Variants in MYOM2 observed in about 807,000 individuals in gnomAD.
MYOM2 encodes the protein myomesin-2.
In MYOM2, 254 loss-of-function variants were observed where a neutral mutation model predicts 187.6. That is an observed-to-expected ratio of 1.35 (90% CI 1.22 to 1.50). The LOEUF (loss-of-function observed/expected upper bound fraction) is 1.50. Ranked by LOEUF, MYOM2 falls within the 40% of genes most tolerant of loss-of-function variation. MYOM2 has a pLI of 0.00. For synonymous variants in MYOM2, 981 were observed against 753.8 expected, an observed-to-expected ratio of 1.30 and a Z score of -4.94; for missense variants, 2,796 against 1,924.0, an observed-to-expected ratio of 1.45 and a Z score of -8.48.
Position 2,144,833 on chromosome 8 carries a change from GCATCAA to G in MYOM2, c.4257_4262del (p.Asn1419_Ile1420del). Reference sequence around the variant, plus strand: ...ACCTCCGAGGACTCGGGCAAGTACAGCATCAACATCAAGAATAAGTATGGCGGGGAG... The same window carrying G: ...ACCTCCGAGGACTCGGGCAAGTACAGCATCAAGAATAAGTATGGCGGGGAG... On this transcript the variant is annotated inframe_deletion, in exon 37 of 37. Transcript: ENST00000262113. 1.9e-6 allele frequency: 3 copies of G among 1,614,192 alleles called. No individual in the cohort carries two copies. The highest frequency in any genetic ancestry group is 2.5e-6 in the Non-Finnish European group (3 of 1,180,034).
chr8:2,097,533 G>T (rs975061794), intron 18 of MYOM2, among the ~76,000 whole-genome samples: 1 of 152,056 alleles, frequency 6.6e-6, no homozygotes, highest in Non-Finnish European at 1.5e-5. Context: ...TTTAGTTTTC[G>T]AGACAGAGTC....
intron 30 of MYOM2, 58 bp downstream of exon 30, chr8:2,123,700 G>T (rs945270134): frequency 4.1e-6 from 6 of 1,456,018 alleles, no homozygotes; most frequent in South Asian, 1.1e-5. Flanking sequence ...AACAGGATGG[G>T]ATGTATTCTG....
At chr8:2,091,573 G>C (rs946998975) in intron 15 of MYOM2, among the ~76,000 whole-genome samples, 1 of 152,178 alleles carries the variant, frequency 6.6e-6, no homozygotes, top group African/African-American at 2.4e-5. Flanking sequence ...CCCTCTCTCT[G>C]TCGTGTTTCC....
chr8:2,055,858 C>G (rs1818647132), intron 3 of MYOM2, among the ~76,000 whole-genome samples: 2 of 152,136 alleles, frequency 1.3e-5, no homozygotes, highest in African/African-American at 4.8e-5. Flanking sequence ...CCCTCCAGCT[C>G]CGATACCGGG....
At chr8:2,080,531 C>G (rs1819585317) in intron 13 of MYOM2, among the ~76,000 whole-genome samples, 1 of 152,190 alleles carries the variant, frequency 6.6e-6, no homozygotes, top group Non-Finnish European at 1.5e-5. Context: ...ACCTTTAAGC[C>G]TTAGTCAAAT....
intron 13 of MYOM2, among the ~76,000 whole-genome samples, chr8:2,082,851 A>G (rs929651546): frequency 3.9e-5 from 6 of 152,200 alleles, no homozygotes; most frequent in Non-Finnish European, 7.3e-5. Flanking sequence ...CAAACCTAAA[A>G]TAAACTCGGT....
chr8:2,058,247 G>A (rs1045012841), intron 5 of MYOM2, among the ~76,000 whole-genome samples: 2 of 152,020 alleles, frequency 1.3e-5, no homozygotes, highest in African/African-American at 2.4e-5. Context: ...TCAAACTCCT[G>A]ACCTGAAGTG....
intron 17 of MYOM2, among the ~76,000 whole-genome samples, chr8:2,095,962 A>G (rs1430006752): frequency 6.6e-6 from 1 of 152,218 alleles, no homozygotes; most frequent in Non-Finnish European, 1.5e-5. Context: ...TCAAATGTTC[A>G]TACCAGATTT....
intron 14 of MYOM2, among the ~76,000 whole-genome samples, chr8:2,087,377 CCTCTGGCCTT>C (rs1796129602): frequency 6.6e-6 from 1 of 152,080 alleles, no homozygotes; most frequent in Non-Finnish European, 1.5e-5. Flanking sequence ...GGAGGAGGAC[CCTCTGGCCTT>C]CTCTGGTTAT....
chr8:2,079,583 G>C lies in MYOM2; in HGVS notation c.1486G>C (p.Glu496Gln), dbSNP rs1819551657. Reference sequence around the variant, plus strand: ...AGCCGTTCATTTGGAGGGAGAGAAGGAGATTGCCATTTATCAGGATGACCT... The same window carrying C: ...AGCCGTTCATTTGGAGGGAGAGAAGCAGATTGCCATTTATCAGGATGACCT... ...LQAVHLEGEKEIAIYQDDLEG... is the reference protein window; with the variant it reads ...LQAVHLEGEKQIAIYQDDLEG... The change falls in exon 13 of 37, where the codon GAG becomes CAG. Residue 496 changes from glutamate (E) to glutamine (Q), a missense_variant. By Grantham distance (29) the Glu-to-Gln change is conservative. Transcript: ENST00000262113. 2 of 1,614,140 alleles carry C rather than the reference G, an allele frequency of 1.2e-6. No homozygotes were observed. Among genetic ancestry groups the C allele is most frequent in the East Asian group, 4.5e-5 (2 of 44,866 alleles).
intron 21 of MYOM2, among the ~76,000 whole-genome samples, chr8:2,104,564 C>G (rs995009953): frequency 6.6e-6 from 1 of 151,556 alleles, no homozygotes; most frequent in African/African-American, 2.4e-5. Flanking sequence ...GAGATCGCGC[C>G]ACTGCACTCT....
intron 20 of MYOM2, 121 bp from the exon 21 acceptor site, chr8:2,102,546 T>C (rs1303665977): frequency 1.6e-6 from 1 of 606,754 alleles, no homozygotes; most frequent in African/African-American, 1.8e-5. Context: ...TTAAGTATCA[T>C]TTTCCTAACT....
intron 1 of MYOM2, among the ~76,000 whole-genome samples, chr8:2,046,206 C>T (rs1818306218): frequency 6.6e-6 from 1 of 152,196 alleles, no homozygotes; most frequent in Non-Finnish European, 1.5e-5. Flanking sequence ...ATGTTTTGTA[C>T]TTCAAACATT....
In MYOM2 at chr8:2,102,686, G is replaced by C. The variant is rs745325388; in HGVS notation, c.2639G>C (p.Gly880Ala). 2 of 1,613,076 alleles carry C rather than the reference G, an allele frequency of 1.2e-6. No homozygotes were observed. The highest frequency in any genetic ancestry group is 1.7e-6 in the Non-Finnish European group (2 of 1,179,062). Residue 880 changes from glycine (G) to alanine (A), a missense_variant, in exon 21 of 37, where the codon GGT (glycine) becomes GCT (alanine). Transcript: ENST00000262113. ...TTCAAGGTCTCTGACCTGCAGCAAG[G>C]TAAGACCTATGTCTTCAGGGTCCGG... ...RYLKVSDLQQ[G>A]KTYVFRVRAV...
chr8:2,120,680 T>TATATATATATATATATATATATATATA, intron 28 of MYOM2, among the ~76,000 whole-genome samples: 1 of 48,292 alleles, frequency 2.1e-5, no homozygotes, highest in Non-Finnish European at 4.1e-5. Flanking sequence ...ATATATTATA[T>TATATATATATATATATATATATATATA]TATATATAAA....
intron 15 of MYOM2, among the ~76,000 whole-genome samples, chr8:2,091,651 C>A (rs1322851938): frequency 6.6e-6 from 1 of 152,234 alleles, no homozygotes. Context: ...CCTCAAGTTT[C>A]TATCTGGCTC....
At chr8:2,078,680 T>C in intron 11 of MYOM2, 54 bp from the exon 12 acceptor site, 1 of 1,534,784 alleles carries the variant, frequency 6.5e-7, no homozygotes, top group South Asian at 1.1e-5. Context: ...TATGTATATT[T>C]AGTAGGTTGC....
intron 18 of MYOM2, chr8:2,097,295 G>C (rs919052605): frequency 6.1e-6 from 1 of 162,754 alleles, no homozygotes; most frequent in African/African-American, 2.4e-5. Context: ...TTTTGCCCAC[G>C]TTCAACCTCT....
intron 32 of MYOM2, among the ~76,000 whole-genome samples, chr8:2,135,490 C>T (rs577770743): frequency 6.6e-6 from 1 of 152,240 alleles, no homozygotes; most frequent in East Asian, 1.9e-4. Context: ...GGAGCCCAGA[C>T]CTTCTCTCCT....
Sources: gnomAD v4.1 joint callset for allele counts (sites outside exome capture counted in the v4.1 genomes callset) on GRCh38, gnomAD v4.1.1 for gene constraint, MANE v1.5 for transcripts, NCBI Gene and HGNC (gene_info 2026-07-23, HGNC 2026-07-21) for gene names.